INIP: variants seen among roughly 807,000 people sequenced by gnomAD.
The protein encoded by INIP is INTS3 and NABP interacting protein.
A neutral mutation model predicts 14.0 loss-of-function variants in INIP; 9 were observed. The ratio of observed to expected loss-of-function variants is 0.64; its 90% CI spans 0.39 to 1.12. The LOEUF is 1.12. Among genes scored for constraint, INIP ranks in the 50% most tolerant of loss-of-function variants. The pLI is 0.01. For synonymous variants in INIP, 37 were observed against 41.5 expected, an observed-to-expected ratio of 0.89 and a Z score of 0.41; for missense variants, 78 against 122.7, an observed-to-expected ratio of 0.64 and a Z score of 1.72.
intron 2 of INIP, among the ~76,000 whole-genome samples, chr9:112,702,351 T>C (rs749146997): frequency 2.6e-5 from 4 of 152,180 alleles, no homozygotes; most frequent in African/African-American, 4.8e-5. Flanking sequence ...ATAATGTTCA[T>C]ATGACTAGGA....
intron 2 of INIP, among the ~76,000 whole-genome samples, chr9:112,698,757 A>G (rs1838189913): frequency 6.6e-6 from 1 of 152,202 alleles, no homozygotes; most frequent in Non-Finnish European, 1.5e-5. Flanking sequence ...TTAGATTCCC[A>G]GTTTTAACAA....
At chr9:112,689,692 A>G in intron 3 of INIP, 75 bp from the exon 4 acceptor site, 2 of 1,121,740 alleles carry the variant, frequency 1.8e-6, no homozygotes, top group Non-Finnish European at 2.7e-6. Context: ...GTAGTAAATT[A>G]TCTTCTTTTT....
At chr9:112,699,409 C>T (rs544025973) in intron 2 of INIP, among the ~76,000 whole-genome samples, 1 of 152,130 alleles carries the variant, frequency 6.6e-6, no homozygotes, top group Non-Finnish European at 1.5e-5. Context: ...GCGGTTTCAG[C>T]TACCTGTGGT....
At chr9:112,716,356 T>A in intron 2 of INIP, 105 bp downstream of exon 2, 2 of 1,073,656 alleles carry the variant, frequency 1.9e-6, no homozygotes, top group South Asian at 1.3e-5. Context: ...ATTCATTTTT[T>A]AAATTCTGGC....
chr9:112,694,616 G>A (rs559435870), intron 2 of INIP, among the ~76,000 whole-genome samples: 47 of 152,272 alleles, frequency 3.1e-4, no homozygotes, highest in African/African-American at 1.1e-3. Flanking sequence ...CTATCCTGCC[G>A]AGTCAATCTT....
chr9:112,684,316 G>A lies in INIP; in HGVS notation c.*3222C>T, dbSNP rs1443603818. 6.6e-6 allele frequency: 1 copy of A among 151,998 alleles called. No individual in the cohort carries two copies. Among genetic ancestry groups the A allele is most frequent in the Admixed American group, 6.6e-5 (1 of 15,246 alleles). 9.4% of individuals were successfully genotyped at this position (151,998 alleles called of 1,614,324 possible). ...TTTAGGAGGCCAAGGTGGGAGGATC[G>A]AGAGGACTGCTTGAGGCCAAGAGTT... On this transcript the variant is annotated 3_prime_UTR_variant, in exon 5 of 5. Transcript: ENST00000374242.
At chr9:112,702,556 A>C (rs1206978983) in intron 2 of INIP, among the ~76,000 whole-genome samples, 1 of 151,898 alleles carries the variant, frequency 6.6e-6, no homozygotes, top group African/African-American at 2.4e-5. Flanking sequence ...GTAATGTAAG[A>C]ATTTTTTTAT....
intron 2 of INIP, among the ~76,000 whole-genome samples, chr9:112,697,013 G>C (rs1564228744): frequency 6.6e-6 from 1 of 152,124 alleles, no homozygotes; most frequent in Admixed American, 6.5e-5. Flanking sequence ...TTTGTGATCA[G>C]CTCCACCTCA....
intron 4 of INIP, among the ~76,000 whole-genome samples, chr9:112,687,917 C>T (rs542870969): frequency 1.1e-4 from 16 of 152,086 alleles, no homozygotes; most frequent in African/African-American, 3.6e-4. Flanking sequence ...AACCCCGTCT[C>T]TACTAAAAAT....
intron 2 of INIP, among the ~76,000 whole-genome samples, chr9:112,711,360 A>C (rs1160514268): frequency 6.6e-6 from 1 of 152,198 alleles, no homozygotes; most frequent in Non-Finnish European, 1.5e-5. Flanking sequence ...CCAAAGGGCT[A>C]ATCTAAATTC....
intron 2 of INIP, among the ~76,000 whole-genome samples, chr9:112,696,304 G>A (rs1298741036): frequency 2.0e-5 from 3 of 151,962 alleles, no homozygotes; most frequent in East Asian, 1.9e-4. Flanking sequence ...TTAATCTTCC[G>A]GTGGAAGAAG....
At chr9:112,704,331 C>G (rs184826904) in intron 2 of INIP, among the ~76,000 whole-genome samples, 32 of 152,224 alleles carry the variant, frequency 2.1e-4, no homozygotes, top group African/African-American at 6.7e-4. Context: ...AGACCGGAAC[C>G]CTGATTGCTC....
intron 2 of INIP, among the ~76,000 whole-genome samples, chr9:112,702,957 ATT>A (rs1554740224): frequency 1.3e-5 from 2 of 152,170 alleles, no homozygotes; most frequent in Non-Finnish European, 2.9e-5. Context: ...TTGATTCAAT[ATT>A]GTTTGTATGA....
In INIP at chr9:112,716,476, T is replaced by G. The variant is rs1488866904; in HGVS notation, c.10A>C (p.Asn4His). Residue 4 changes from asparagine to histidine, a missense_variant, in exon 2 of 5, where the codon AAC (asparagine) becomes CAC (histidine). Physicochemically the swap from Asn to His is moderately conservative, Grantham distance 68 (BLOSUM62 1). Transcript: ENST00000374242. MAA[N>H]SSGQGFQNKN... ...CTGTCATTACCTTGTCCTGAAGAGTTTGCTGCCATTTTCCTATTTTGTTTC... is the reference window on the plus strand; with the variant it reads ...CTGTCATTACCTTGTCCTGAAGAGTGTGCTGCCATTTTCCTATTTTGTTTC... 6.2e-7 allele frequency: 1 copy of G among 1,613,840 alleles called. No homozygotes were observed. Among genetic ancestry groups the G allele is most frequent in the Admixed American group, 1.7e-5 (1 of 60,012 alleles).
chr9:112,687,904 T>C (rs1335205936), intron 4 of INIP, among the ~76,000 whole-genome samples: 1 of 151,952 alleles, frequency 6.6e-6, no homozygotes, highest in East Asian at 1.9e-4. Flanking sequence ...GCTAACGTGG[T>C]GAAACCCCGT....
In INIP at chr9:112,685,799, G is replaced by GC. The variant is rs1449227829; in HGVS notation, c.*1738dup. On this transcript the variant is annotated 3_prime_UTR_variant, in exon 5 of 5. Transcript: ENST00000374242. Reference sequence around the variant, plus strand: ...ACCTGAGGAAGGACAGGAGCCAGAGGCCCCCTGAGGAGCTCTGCGCCGCAG... The same window carrying GC: ...ACCTGAGGAAGGACAGGAGCCAGAGGCCCCCCTGAGGAGCTCTGCGCCGCAG... The GC allele has an allele frequency of 4.6e-5, 7 of 152,184 alleles. No individual in the cohort carries two copies. The highest frequency in any genetic ancestry group is 8.8e-5 in the Non-Finnish European group (6 of 68,040). The allele number at this position is 152,184 out of a possible 1,614,324, so 9.4% of individuals were successfully genotyped here.
At position 112,698,303 on chromosome 9, in the gene INIP, CAAAAAAA is replaced by C. The variant is rs755265359; in HGVS notation, c.26-4077_26-4071del. ...TGGGTGACAGAGCGAGACTCTGTCT[CAAAAAAA>C]AAAAAAAAAAAAAAAAAAGAAATGA... On this transcript the variant is annotated intron_variant, in intron 2 of 4. Transcript: ENST00000374242. 2.3e-3 allele frequency among the ~76,000 whole-genome samples: 101 copies of C among 43,668 alleles called. No individual in the cohort carries two copies. The South Asian group carries it at 0.035, about 15-fold the overall frequency. The allele number at this position is 43,668 out of a possible 152,430, so 28.6% of individuals were successfully genotyped here.
chr9:112,699,558 G>A (rs1333753791), intron 2 of INIP, among the ~76,000 whole-genome samples: 1 of 152,010 alleles, frequency 6.6e-6, no homozygotes, highest in Non-Finnish European at 1.5e-5. Context: ...CTCTTACTGT[G>A]TCTAATTTAT....
At chr9:112,699,222 C>A (rs1838203671) in intron 2 of INIP, among the ~76,000 whole-genome samples, 1 of 151,342 alleles carries the variant, frequency 6.6e-6, no homozygotes, top group Non-Finnish European at 1.5e-5. Context: ...ACTCAGGAGG[C>A]TGAGGCAGGA....
Sources: allele counts gnomAD v4.1 joint callset (sites outside exome capture counted in the v4.1 genomes callset), GRCh38; gene constraint gnomAD v4.1.1; transcripts MANE v1.5; gene names NCBI Gene and HGNC (gene_info 2026-07-23, HGNC 2026-07-21).